The following PCDHGA4 variants were observed in gnomAD, a reference collection of about 807,000 sequenced individuals.
The protein encoded by PCDHGA4 is protocadherin gamma-A4.
In PCDHGA4, 38 loss-of-function variants were observed where a neutral mutation model predicts 54.6. That is an observed-to-expected ratio of 0.70 (90% CI 0.54 to 0.91). PCDHGA4 has a LOEUF of 0.91. Among genes scored for constraint, PCDHGA4 ranks in the 40% least tolerant of loss-of-function variants. The pLI is 0.00. For synonymous variants in PCDHGA4, 511 were observed against 512.9 expected, an observed-to-expected ratio of 1.00 and a Z score of 0.05; for missense variants, 1,298 against 1,220.9, an observed-to-expected ratio of 1.06 and a Z score of -0.94.
rs1339051627 is a variant in PCDHGA4, at chr5:141,356,992, T to C, written c.1885T>C (p.Ser629Pro). ...VTKVVAVDRD[S>P]GQNAWLSYSL... is the part of the protein sequence containing the mutation. ...CAAAGTGGTGGCAGTGGACAGAGACTCAGGTCAGAATGCCTGGCTGTCCTA... is the reference window on the plus strand; with the variant it reads ...CAAAGTGGTGGCAGTGGACAGAGACCCAGGTCAGAATGCCTGGCTGTCCTA... Residue 629 changes from serine to proline, a missense_variant, in exon 1 of 4, where the codon TCA (serine) becomes CCA (proline). Physicochemically the swap from Ser to Pro is moderately conservative, Grantham distance 74. Transcript: ENST00000571252. The C allele has an allele frequency of 1.2e-6, 2 of 1,614,090 alleles. No homozygotes were observed. Among genetic ancestry groups the C allele is most frequent in the Non-Finnish European group, 1.7e-6 (2 of 1,180,032 alleles).
At position 141,489,062 on chromosome 5, in the gene PCDHGA4, C is replaced by G. The variant is rs1466124551; in HGVS notation, c.2515-5745C>G. Reference sequence around the variant, plus strand: ...GCTCCACTCAAATTCAGCTCCCCTCCCCCCTGCCCACCCCCGCCACTCGGT... The same window carrying G: ...GCTCCACTCAAATTCAGCTCCCCTCGCCCCTGCCCACCCCCGCCACTCGGT... On this transcript the variant is annotated intron_variant, in intron 1 of 3. Transcript: ENST00000571252. This position sits in a 1 kb window ranked among gnomAD's most constrained non-coding sequence, Gnocchi z 4.5. 5.3e-6 allele frequency: 2 copies of G among 378,914 alleles called. No homozygotes were observed. Among genetic ancestry groups the G allele is most frequent in the Non-Finnish European group, 9.5e-6 (2 of 209,830 alleles). 23.5% of individuals were successfully genotyped at this position (378,914 alleles called of 1,614,324 possible).
At position 141,422,706 on chromosome 5, in the gene PCDHGA4, G is replaced by A. The variant is rs758922274; in HGVS notation, c.2514+65085G>A. On this transcript the variant is annotated intron_variant, in intron 1 of 3. Transcript: ENST00000571252. ...ATGCCCTGGTCACTTACTCTCTGAC[G>A]GATGACACTGTCCAGGGGGTGCCTC... The A allele has an allele frequency of 8.1e-6, 13 of 1,602,906 alleles. No homozygotes were observed. In the South Asian group the frequency reaches 1.5e-4, roughly 18 times the overall value.
In PCDHGA4 at chr5:141,418,980, A is replaced by G; in HGVS notation, c.2514+61359A>G. 1 of 1,614,004 alleles carries G rather than the reference A, an allele frequency of 6.2e-7. No individual in the cohort carries two copies. ...GTTGCCCTCTTCAAAACACGGGACC[A>G]AGACTCAGGGGAAAATGGGGAAGTC... On this transcript the variant is annotated intron_variant, in intron 1 of 3. Transcript: ENST00000571252.
chr5:141,489,205 G>A lies in PCDHGA4; in HGVS notation c.2515-5602G>A. 2.1e-6 allele frequency: 3 copies of A among 1,438,682 alleles called. No homozygotes were observed. Among genetic ancestry groups the A allele is most frequent in the Non-Finnish European group, 1.9e-6 (2 of 1,060,944 alleles). 89.1% of individuals were successfully genotyped at this position (1,438,682 alleles called of 1,614,324 possible). On this transcript the variant is annotated intron_variant, in intron 1 of 3. Coordinates refer to ENST00000571252, the MANE Select transcript of PCDHGA4 (RefSeq NM_018917.4). The surrounding 1 kb of genome is among the most constrained non-coding windows in gnomAD (Gnocchi z 4.5). ...CTGGGTCTACCTTGGAGACAGGACA[G>A]CACAGACTTACTCTCCACAAAGGGA...
chr5:141,455,283 C>G (rs1225185590), intron 1 of PCDHGA4, among the ~76,000 whole-genome samples: 1 of 152,000 alleles, frequency 6.6e-6, no homozygotes, highest in East Asian at 1.9e-4. Context: ...ATTAACATCA[C>G]TTTACATAGT....
chr5:141,427,193 CTT>C (rs2096998045), intron 1 of PCDHGA4: 3 of 456,614 alleles, frequency 6.6e-6, no homozygotes, highest in Non-Finnish European at 8.8e-6. Context: ...AATCCAAAGA[CTT>C]AATAGACTTC....
Position 141,476,437 on chromosome 5 carries a change from TCTGGAGTTGGTAGTGGAGAACCC to T in PCDHGA4, c.2515-18369_2515-18347del. ...GGACACTGCCCTCTTGCACTGTAAC[TCTGGAGTTGGTAGTGGAGAACCC>T]GCTGGAGCTGTTCAGCGTGGAAGTG... On this transcript the variant is annotated intron_variant, in intron 1 of 3. Transcript: ENST00000571252. The surrounding 1 kb of genome is among the most constrained non-coding windows in gnomAD (Gnocchi z 7.6). 1 of 1,614,004 alleles carries T rather than the reference TCTGGAGTTGGTAGTGGAGAACCC, an allele frequency of 6.2e-7. No individual in the cohort carries two copies. The highest frequency in any genetic ancestry group is 2.2e-5 in the East Asian group (1 of 44,836).
At chr5:141,383,967 C>G in intron 1 of PCDHGA4, 1 of 1,613,458 alleles carries the variant, frequency 6.2e-7, no homozygotes, top group Non-Finnish European at 8.5e-7. Context: ...GTAGCTCAAT[C>G]CCTGAAGACA....
chr5:141,422,410 T>C, intron 1 of PCDHGA4: 1 of 1,601,816 alleles, frequency 6.2e-7, no homozygotes, highest in Non-Finnish European at 8.5e-7. Context: ...GCCTTTTAAA[T>C]TAGAAAAGAC....
At chr5:141,389,577 C>A in intron 1 of PCDHGA4, 1 of 1,613,244 alleles carries the variant, frequency 6.2e-7, no homozygotes. Context: ...GTACCCCGCG[C>A]TGGGTCCCGA....
chr5:141,399,274 C>T, intron 1 of PCDHGA4: 1 of 1,613,848 alleles, frequency 6.2e-7, no homozygotes, highest in Non-Finnish European at 8.5e-7. Context: ...TTGTCAATTA[C>T]AAGGCGAAGT....
intron 1 of PCDHGA4, chr5:141,393,118 G>A: frequency 3.7e-6 from 6 of 1,613,472 alleles, no homozygotes; most frequent in Non-Finnish European, 5.1e-6. Flanking sequence ...AGCCCGCGGT[G>A]TCTGATAAAT....
chr5:141,370,655 C>T (rs746541169), intron 1 of PCDHGA4: 14 of 1,613,708 alleles, frequency 8.7e-6, no homozygotes, highest in Non-Finnish European at 1.1e-5. Context: ...TACTTGTGAG[C>T]GACCGTATAG....
Position 141,357,042 on chromosome 5 carries a change from G to A in PCDHGA4, c.1935G>A (p.Pro645=), listed in dbSNP as rs961651879. 5 of 1,613,996 alleles carry A rather than the reference G, an allele frequency of 3.1e-6. No homozygotes were observed. Among genetic ancestry groups the A allele is most frequent in the Admixed American group, 3.3e-5 (2 of 60,022 alleles). ...ACAGCCTACTCAAGTCCAGCGAGCCGGGACTATTTGCAGTGGGGCTGCACA... is the reference window on the plus strand; with the variant it reads ...ACAGCCTACTCAAGTCCAGCGAGCCAGGACTATTTGCAGTGGGGCTGCACA... The part of the protein sequence containing the change: ...LSYSLLKSSE[P]GLFAVGLHTG... Residue 645 remains proline, a synonymous_variant, in exon 1 of 4, where the codon CCG becomes CCA. Transcript: ENST00000571252.
intron 1 of PCDHGA4, among the ~76,000 whole-genome samples, chr5:141,458,992 C>G (rs1268862644): frequency 6.6e-6 from 1 of 152,190 alleles, no homozygotes; most frequent in African/African-American, 2.4e-5. Flanking sequence ...CTCACCCTCC[C>G]AAAGTGCTGG....
intron 1 of PCDHGA4, chr5:141,418,665 A>G: frequency 6.2e-7 from 1 of 1,614,070 alleles, no homozygotes; most frequent in Middle Eastern, 1.6e-4. Flanking sequence ...GCCACTGACC[A>G]GGACGAGGGC....
intron 2 of PCDHGA4, among the ~76,000 whole-genome samples, chr5:141,502,056 C>T (rs1163976282): frequency 1.3e-5 from 2 of 152,116 alleles, no homozygotes; most frequent in Non-Finnish European, 2.9e-5. Flanking sequence ...CTACTTTATT[C>T]CCATTAGCCC....
intron 1 of PCDHGA4, chr5:141,388,500 A>T: frequency 6.2e-7 from 1 of 1,613,860 alleles, no homozygotes; most frequent in Non-Finnish European, 8.5e-7. Flanking sequence ...AGAAAAGCAG[A>T]AATCCTACCA....
At chr5:141,469,804 T>C (rs1433459377) in intron 1 of PCDHGA4, among the ~76,000 whole-genome samples, 1 of 152,060 alleles carries the variant, frequency 6.6e-6, no homozygotes, top group Non-Finnish European at 1.5e-5. Context: ...TGCAAAAACA[T>C]TGTAGATAGA....
Sources: allele counts gnomAD v4.1 joint callset (sites outside exome capture counted in the v4.1 genomes callset), GRCh38; gene constraint gnomAD v4.1.1; non-coding constraint Gnocchi (gnomAD v3.1); transcripts MANE v1.5; gene names NCBI Gene and HGNC (gene_info 2026-07-23, HGNC 2026-07-21).